Variants in GHITM observed in about 807,000 individuals in gnomAD.
The protein encoded by GHITM is growth hormone inducible transmembrane protein.
A neutral mutation model predicts 38.7 loss-of-function variants in GHITM; 24 were observed. The ratio of observed to expected loss-of-function variants is 0.62; its 90% CI spans 0.45 to 0.87. The LOEUF (loss-of-function observed/expected upper bound fraction) is 0.87, where lower values mean the gene tolerates loss of function less well. Ranked by LOEUF, GHITM falls within the 40% of genes least tolerant of loss-of-function variation. GHITM has a pLI of 0.00. For missense variants in GHITM, 420 were observed against 429.8 expected, an observed-to-expected ratio of 0.98 and a Z score of 0.20; for synonymous variants, 154 against 147.8, an observed-to-expected ratio of 1.04 and a Z score of -0.30.
In GHITM at chr10:84,144,955, C is replaced by T; in HGVS notation, c.422C>T (p.Ser141Phe). The part of the protein sequence containing the change: ...LAGSIGLTAL[S>F]AIAISRTPVL... ...GGGAGTATTGGTTTAACAGCTTTGT[C>T]TGCCATAGCAATCAGCAGAACGCCT... Residue 141 changes from serine to phenylalanine, a missense_variant, in exon 5 of 9, where the codon TCT (serine) becomes TTT (phenylalanine). Coordinates refer to ENST00000372134, the MANE Select transcript of GHITM (RefSeq NM_014394.3). 1 of 1,612,244 alleles carries T rather than the reference C, an allele frequency of 6.2e-7. No homozygotes were observed. The highest frequency in any genetic ancestry group is 8.5e-7 in the Non-Finnish European group (1 of 1,178,602).
In GHITM at chr10:84,152,429, C is replaced by T. The variant is rs11550183; in HGVS notation, c.*81C>T. ...ATATGCATTAAATAGTTTGTACAAGCAGCTTTCGTTGAAGTTTAGAAGATA... is the reference window on the plus strand; with the variant it reads ...ATATGCATTAAATAGTTTGTACAAGTAGCTTTCGTTGAAGTTTAGAAGATA... On this transcript the variant is annotated 3_prime_UTR_variant, in exon 9 of 9. Coordinates refer to ENST00000372134, the MANE Select transcript of GHITM (RefSeq NM_014394.3). 1 of 705,670 alleles carries T rather than the reference C, an allele frequency of 1.4e-6. No individual in the cohort carries two copies. Among genetic ancestry groups the T allele is most frequent in the Non-Finnish European group, 2.4e-6 (1 of 413,438 alleles). 43.7% of individuals were successfully genotyped at this position (705,670 alleles called of 1,614,324 possible). A position where few individuals can be genotyped will look rare whatever the true frequency, so the allele number is the denominator to read the frequency against.
Position 84,152,466 on chromosome 10 carries a change from A to G in GHITM, c.*118A>G, listed in dbSNP as rs1167477594. 1.1e-5 allele frequency: 6 copies of G among 527,834 alleles called. No individual in the cohort carries two copies. The highest frequency in any genetic ancestry group is 1.3e-5 in the Non-Finnish European group (4 of 298,250). The allele number at this position is 527,834 out of a possible 1,614,324, so 32.7% of individuals were successfully genotyped here. On this transcript the variant is annotated 3_prime_UTR_variant, in exon 9 of 9. Transcript: ENST00000372134. ...AAGTTTAGAAGATAAGAAACATGTC[A>G]TCATATTTAAATGTTCCGGTAATGT...
chr10:84,144,345 T>TTTG (rs1841536363), intron 4 of GHITM, among the ~76,000 whole-genome samples: 1 of 117,484 alleles, frequency 8.5e-6, no homozygotes, highest in East Asian at 4.5e-4. Flanking sequence ...GAAATATGTT[T>TTTG]TTTGTTTGTT....
chr10:84,151,338 C>T (rs1248423832), intron 8 of GHITM, among the ~76,000 whole-genome samples: 2 of 152,144 alleles, frequency 1.3e-5, no homozygotes, highest in African/African-American at 4.8e-5. Context: ...TTTGTCTGTT[C>T]TCTCTTTAGT....
intron 8 of GHITM, 28 bp downstream of exon 8, chr10:84,150,908 T>A: frequency 6.8e-7 from 1 of 1,472,782 alleles, no homozygotes; most frequent in Middle Eastern, 2.4e-4. Flanking sequence ...TTTAACACTG[T>A]TACTCTGTCA....
intron 5 of GHITM, among the ~76,000 whole-genome samples, chr10:84,147,215 C>A (rs1218291054): frequency 6.6e-6 from 1 of 152,186 alleles, no homozygotes; most frequent in African/African-American, 2.4e-5. Context: ...GTAATTATTT[C>A]TCGTTAGAAA....
chr10:84,144,995 C>T lies in GHITM; in HGVS notation c.462C>T (p.Phe154=). ...GCAGAACGCCTGTTCTCATGAACTT[C>T]ATGATGAGAGGCTCTTGGGTGGTAA... ...AISRTPVLMN[F]MMRGSWVTIG... Residue 154 remains phenylalanine, a synonymous_variant, in exon 5 of 9, where the codon TTC becomes TTT. Coordinates refer to ENST00000372134, the MANE Select transcript of GHITM (RefSeq NM_014394.3). The T allele has an allele frequency of 6.2e-7, 1 of 1,609,348 alleles. No homozygotes were observed. The highest frequency in any genetic ancestry group is 8.5e-7 in the Non-Finnish European group (1 of 1,177,320).
rs891352454 is a variant in GHITM at position 84,139,540 on chromosome 10, C to G, written c.-93C>G. The G allele has an allele frequency of 9.2e-5, 14 of 152,284 alleles. No homozygotes were observed. Among genetic ancestry groups the G allele is most frequent in the African/African-American group, 3.1e-4 (13 of 41,460 alleles). 9.4% of individuals were successfully genotyped at this position (152,284 alleles called of 1,614,324 possible). On this transcript the variant is annotated 5_prime_UTR_variant, in exon 1 of 9. Transcript: ENST00000372134. Reference sequence around the variant, plus strand: ...CCGGAGGAACTGTGCTCTTTGAGGCCGACGCTAGGGGCCCGGAAGGGAAAC... The same window carrying G: ...CCGGAGGAACTGTGCTCTTTGAGGCGGACGCTAGGGGCCCGGAAGGGAAAC...
chr10:84,150,511 T>C (rs1243787070), intron 7 of GHITM, among the ~76,000 whole-genome samples, 198 bp from the exon 8 acceptor site: 1 of 152,184 alleles, frequency 6.6e-6, no homozygotes, highest in Non-Finnish European at 1.5e-5. Context: ...TCCTGTGAAA[T>C]GGGCAAGTGG....
Position 84,144,861 on chromosome 10 carries a change from C to A in GHITM, c.342-14C>A. ...CTGTAATTTCATAGATTAATCATGT[C>A]ATGTTTCTTACAGAATTTGGCCTCA... is the stretch of plus-strand genomic sequence containing the variant. On this transcript the variant is annotated splice_polypyrimidine_tract_variant and intron_variant, in intron 4 of 8. Transcript: ENST00000372134. 1 of 1,546,324 alleles carries A rather than the reference C, an allele frequency of 6.5e-7. No individual in the cohort carries two copies. The highest frequency in any genetic ancestry group is 8.8e-7 in the Non-Finnish European group (1 of 1,135,368).
At chr10:84,148,588 G>A (rs1335983063) in intron 5 of GHITM, 142 bp from the exon 6 acceptor site, 17 of 599,932 alleles carry the variant, frequency 2.8e-5, no homozygotes, top group East Asian at 1.2e-4. Flanking sequence ...GAGCCACCAC[G>A]CCTGGCCTTA....
At chr10:84,150,280 A>G (rs979269372) in intron 7 of GHITM, 37 bp downstream of exon 7, 1 of 1,450,532 alleles carries the variant, frequency 6.9e-7, no homozygotes, top group Non-Finnish European at 9.3e-7. Flanking sequence ...TTCTTGGTGC[A>G]TAGTTTCCTG....
chr10:84,140,948 G>A (rs563506536), intron 1 of GHITM, among the ~76,000 whole-genome samples: 1 of 152,294 alleles, frequency 6.6e-6, no homozygotes, highest in East Asian at 1.9e-4. Context: ...ATGATTAGCT[G>A]AAATTCATAT....
intron 3 of GHITM, 24 bp from the exon 4 acceptor site, chr10:84,143,971 T>A: frequency 6.8e-7 from 1 of 1,464,742 alleles, no homozygotes; most frequent in Non-Finnish European, 9.6e-7. Context: ...AGTACTAACC[T>A]GCATTTCCTT....
At chr10:84,148,558 A>G (rs974533544) in intron 5 of GHITM, among the ~76,000 whole-genome samples, 172 bp from the exon 6 acceptor site, 2 of 152,194 alleles carry the variant, frequency 1.3e-5, no homozygotes, top group Non-Finnish European at 2.9e-5. Context: ...AGCCTCCCAA[A>G]GTGCTGGGAT....
rs1399679319 is a variant in GHITM, at chr10:84,141,575, C to T, written c.75C>T (p.Ser25=). ...TCCACCCAGCTTTCACCAAGGCCTC[C>T]CCTGTTGTGAAGAATTCCATCACGA... The part of the protein sequence containing the change: ...RVFHPAFTKA[S]PVVKNSITKN... Residue 25 remains serine, a synonymous_variant, in exon 2 of 9, where the codon TCC becomes TCT. Transcript: ENST00000372134. 4 of 1,613,080 alleles carry T rather than the reference C, an allele frequency of 2.5e-6. No individual in the cohort carries two copies. The highest frequency in any genetic ancestry group is 3.4e-6 in the Non-Finnish European group (4 of 1,179,146).
chr10:84,151,851 A>T (rs1318232956), intron 8 of GHITM, among the ~76,000 whole-genome samples: 1 of 152,132 alleles, frequency 6.6e-6, no homozygotes, highest in Non-Finnish European at 1.5e-5. Flanking sequence ...CTGTACTGTA[A>T]AGCTTACAGA....
At position 84,150,700 on chromosome 10, in the gene GHITM, T is replaced by C. The variant is rs75372352; in HGVS notation, c.782-9T>C. On this transcript the variant is annotated splice_polypyrimidine_tract_variant and intron_variant, in intron 7 of 8. Coordinates refer to ENST00000372134, the MANE Select transcript of GHITM (RefSeq NM_014394.3). ...TAAAAAAAATCTTGTTTTCGCATTT[T>C]GATTTCAGGATCTATGTTTCTTCCA... The C allele has an allele frequency of 4.0e-4, 627 of 1,568,706 alleles. 4 individuals are homozygous for C. In the African/African-American group the frequency reaches 7.5e-3, roughly 19 times the overall value.
At position 84,141,572 on chromosome 10, in the gene GHITM, C is replaced by A. The variant is rs1160466657; in HGVS notation, c.72C>A (p.Ala24=). Residue 24 remains alanine (A), a synonymous_variant, in exon 2 of 9, where the codon GCC becomes GCA. Coordinates refer to ENST00000372134, the MANE Select transcript of GHITM (RefSeq NM_014394.3). ...SRVFHPAFTK[A]SPVVKNSITK... The stretch of plus-strand genomic sequence containing the variant: ...TTTTCCACCCAGCTTTCACCAAGGC[C>A]TCCCCTGTTGTGAAGAATTCCATCA... The A allele has an allele frequency of 6.2e-7, 1 of 1,613,352 alleles. No homozygotes were observed. The highest frequency in any genetic ancestry group is 1.7e-5 in the Admixed American group (1 of 60,034).
Sources: allele counts gnomAD v4.1 joint callset (sites outside exome capture counted in the v4.1 genomes callset), GRCh38; gene constraint gnomAD v4.1.1; transcripts MANE v1.5; gene names NCBI Gene and HGNC (gene_info 2026-07-23, HGNC 2026-07-21).